The following ASTN2 variants were observed in gnomAD, a reference collection of about 807,000 sequenced individuals.
The protein encoded by ASTN2 is astrotactin 2.
A neutral mutation model predicts 139.8 loss-of-function variants in ASTN2; 54 were observed. That is an observed-to-expected ratio of 0.39 (90% CI 0.31 to 0.48). ASTN2 has a LOEUF of 0.48. Among genes scored for constraint, ASTN2 ranks in the 20% least tolerant of loss-of-function variants. The pLI is 0.95. For synonymous variants in ASTN2, 756 were observed against 719.5 expected (o/e 1.05, Z -0.81); for missense variants, 1,565 against 1,725.1 (o/e 0.91, Z 1.64).
At chr9:117,207,306 A>G (rs1326059092) in intron 3 of ASTN2, among the ~76,000 whole-genome samples, 12 of 152,142 alleles carry the variant, frequency 7.9e-5, no homozygotes, top group Non-Finnish European at 7.4e-5. Flanking sequence ...AAACCAGCCA[A>G]GCAACTGTGC....
At chr9:116,889,226 A>G (rs185869825) in intron 10 of ASTN2, among the ~76,000 whole-genome samples, 1 of 152,134 alleles carries the variant, frequency 6.6e-6, no homozygotes, top group African/African-American at 2.4e-5. Flanking sequence ...AAAAGAAAAA[A>G]AAGAAGAGGA....
intron 21 of ASTN2, among the ~76,000 whole-genome samples, chr9:116,441,311 T>G (rs1847832675): frequency 6.6e-6 from 1 of 151,980 alleles, no homozygotes; most frequent in East Asian, 2.0e-4. Flanking sequence ...TTAGTCCTAC[T>G]AATCAAAGTA....
At chr9:116,767,081 C>T (rs921341795) in intron 13 of ASTN2, among the ~76,000 whole-genome samples, 1 of 152,080 alleles carries the variant, frequency 6.6e-6, no homozygotes, top group Non-Finnish European at 1.5e-5. Flanking sequence ...CACACATAAA[C>T]ACATACATTC....
chr9:116,629,017 T>C (rs933807432), intron 17 of ASTN2, among the ~76,000 whole-genome samples: 1 of 152,166 alleles, frequency 6.6e-6, no homozygotes, highest in African/African-American at 2.4e-5. Context: ...AAGCATTTCT[T>C]TATTCTGTGC....
chr9:116,882,145 G>C (rs966889074), intron 10 of ASTN2, among the ~76,000 whole-genome samples: 3 of 152,012 alleles, frequency 2.0e-5, no homozygotes, highest in Non-Finnish European at 4.4e-5. Flanking sequence ...TGCTCTTTCT[G>C]GCCCTGCACT....
At chr9:116,637,452 C>A (rs4472590) in intron 17 of ASTN2, among the ~76,000 whole-genome samples, 87,158 of 151,920 alleles carry the variant, frequency 0.57, 25,494 homozygotes, top group East Asian at 0.86. Context: ...CAAAAGCTTA[C>A]GAATTTAAGT....
rs58786270 is a variant in ASTN2 at position 116,729,216 on chromosome 9, G to A, written c.2522-120C>T. Reference sequence around the variant, plus strand: ...ACCTCTTTGAAGTACAACTTTCACTGGGATTGACAATTTTATGAACCCCAC... The same window carrying A: ...ACCTCTTTGAAGTACAACTTTCACTAGGATTGACAATTTTATGAACCCCAC... On this transcript the variant is annotated intron_variant, in intron 14 of 22. Coordinates refer to ENST00000313400, the MANE Select transcript of ASTN2 (RefSeq NM_001365068.1). 9,837 of 729,084 alleles carry A rather than the reference G, an allele frequency of 0.013. 733 individuals are homozygous for A. In the African/African-American group the frequency reaches 0.15, roughly 11 times the overall value. 45.2% of individuals were successfully genotyped at this position (729,084 alleles called of 1,614,324 possible).
chr9:116,574,073 G>A (rs1853629163), intron 19 of ASTN2, among the ~76,000 whole-genome samples: 1 of 152,200 alleles, frequency 6.6e-6, no homozygotes, highest in Non-Finnish European at 1.5e-5. Context: ...ATGCTTTGAA[G>A]GATAGAGGAA....
intron 10 of ASTN2, among the ~76,000 whole-genome samples, chr9:116,908,532 C>T (rs920974193): frequency 3.3e-5 from 5 of 152,192 alleles, no homozygotes; most frequent in Non-Finnish European, 7.3e-5. Flanking sequence ...ATCAAGAAAG[C>T]TTTCTGTTTT....
chr9:116,511,737 T>G (rs1850392178), intron 19 of ASTN2, among the ~76,000 whole-genome samples: 1 of 152,068 alleles, frequency 6.6e-6, no homozygotes, highest in South Asian at 2.1e-4. Context: ...CTTGGGAGGG[T>G]GGATGTGTCC....
chr9:116,725,271 G>A (rs956137700), intron 16 of ASTN2, among the ~76,000 whole-genome samples: 1 of 152,094 alleles, frequency 6.6e-6, no homozygotes, highest in Non-Finnish European at 1.5e-5. Context: ...GGCCCTTCCT[G>A]AGGATAAAAG....
chr9:116,669,213 T>A (rs1053286676), intron 16 of ASTN2, among the ~76,000 whole-genome samples: 1 of 152,186 alleles, frequency 6.6e-6, no homozygotes, highest in African/African-American at 2.4e-5. Context: ...ACCACCCTTA[T>A]CCTAGGAATT....
chr9:116,458,208 G>A (rs2118954413), intron 20 of ASTN2, among the ~76,000 whole-genome samples: 1 of 151,938 alleles, frequency 6.6e-6, no homozygotes, highest in East Asian at 1.9e-4. Context: ...GTTATCAGAG[G>A]CTAGGAAGGG....
intron 13 of ASTN2, among the ~76,000 whole-genome samples, chr9:116,797,404 G>GT (rs150853909): frequency 0.015 from 2,267 of 151,478 alleles, 52 homozygotes; most frequent in African/African-American, 0.051. Flanking sequence ...AAGAAAAGAG[G>GT]TTTTTTTTTC....
chr9:117,190,124 A>G (rs1831307887), intron 3 of ASTN2, among the ~76,000 whole-genome samples: 2 of 152,176 alleles, frequency 1.3e-5, no homozygotes, highest in African/African-American at 4.8e-5. Flanking sequence ...AAGTAGAGAG[A>G]GCAGCCCTTC....
At chr9:116,803,516 ATATATATTTTTT>A (rs1181798772) in intron 13 of ASTN2, among the ~76,000 whole-genome samples, 8 of 4,538 alleles carry the variant, frequency 1.8e-3, no homozygotes, top group South Asian at 8.8e-3. Context: ...ATATATATAT[ATATATATTTTTT>A]TTTTTTTTTT....
intron 10 of ASTN2, among the ~76,000 whole-genome samples, chr9:116,882,062 TATCC>T (rs1057125622): frequency 3.3e-5 from 5 of 152,088 alleles, no homozygotes; most frequent in East Asian, 3.9e-4. Context: ...ATTATCCATC[TATCC>T]ATCCATCCAT....
intron 10 of ASTN2, among the ~76,000 whole-genome samples, chr9:116,896,954 T>G (rs1833894548): frequency 6.6e-6 from 1 of 152,126 alleles, no homozygotes; most frequent in Admixed American, 6.5e-5. Flanking sequence ...GGCTACCAGG[T>G]GGGCAACAAG....
intron 1 of ASTN2, among the ~76,000 whole-genome samples, chr9:117,348,480 T>A (rs1829292167): frequency 1.3e-5 from 2 of 152,176 alleles, no homozygotes; most frequent in Admixed American, 1.3e-4. Flanking sequence ...AAGAGGGTGT[T>A]CTATCGTTAA....
Sources: allele counts gnomAD v4.1 joint callset (sites outside exome capture counted in the v4.1 genomes callset), GRCh38; gene constraint gnomAD v4.1.1; transcripts MANE v1.5; gene names NCBI Gene and HGNC (gene_info 2026-07-23, HGNC 2026-07-21).